The following SPRY3 variants were observed in gnomAD, a reference collection of about 807,000 sequenced individuals.
The protein encoded by SPRY3 is protein sprouty homolog 3.
Under a neutral mutation model 20.2 loss-of-function variants are expected in SPRY3, and 15 were observed. That is an observed-to-expected ratio of 0.74 (90% CI 0.50 to 1.14). The LOEUF (loss-of-function observed/expected upper bound fraction) is 1.14. Among genes scored for constraint, SPRY3 ranks in the 50% most tolerant of loss-of-function variants. The pLI is 0.00. For synonymous variants in SPRY3, 143 were observed against 136.5 expected, an observed-to-expected ratio of 1.05 and a Z score of -0.33; for missense variants, 364 against 363.9, an observed-to-expected ratio of 1.00 and a Z score of 0.00.
intron 1 of SPRY3, among the ~76,000 whole-genome samples, chrX:155,624,307 T>C (rs1182413689): frequency 8.9e-6 from 1 of 111,900 alleles, no homozygotes; most frequent in African/African-American, 3.2e-5. Context: ...CTAACTACCA[T>C]ACACCAGGTA....
chrX:155,768,568 G>C (rs980263316), intron 3 of SPRY3, among the ~76,000 whole-genome samples: 1 of 152,172 alleles, frequency 6.6e-6, no homozygotes, highest in African/African-American at 2.4e-5. Flanking sequence ...TCTGCTATTG[G>C]CTCACAAGTC....
In SPRY3 at chrX:155,706,877, T is replaced by C. The variant is rs989204815; in HGVS notation, c.-282+49852T>C. Among the ~76,000 whole-genome samples the C allele has an allele frequency of 3.2e-4, 48 of 151,164 alleles. 1 individual carries two copies. Among genetic ancestry groups the C allele is most frequent in the African/African-American group, 1.1e-3 (46 of 41,462 alleles). On this transcript the variant is annotated intron_variant, in intron 2 of 3. Transcript: ENST00000675360. Reference sequence around the variant, plus strand: ...CATAAAAGAACACCGTAGGCCCATATTATTTCATTGGTACATTCTCCCAAA... The same window carrying C: ...CATAAAAGAACACCGTAGGCCCATACTATTTCATTGGTACATTCTCCCAAA...
intron 2 of SPRY3, among the ~76,000 whole-genome samples, chrX:155,716,995 T>A (rs766303285): frequency 0.27 from 34,912 of 130,146 alleles, 7,104 homozygotes; most frequent in African/African-American, 0.43. Flanking sequence ...TATATATATA[T>A]ATATATATAT....
chrX:155,725,707 T>A (rs1029596900), intron 2 of SPRY3, among the ~76,000 whole-genome samples: 111 of 152,278 alleles, frequency 7.3e-4, no homozygotes, highest in African/African-American at 2.6e-3. Context: ...GATTCTTCTC[T>A]CTTTTCTTCT....
In SPRY3 at chrX:155,781,977, A is replaced by G. The variant is rs1210899802; in HGVS notation, c.*7239A>G. 7 of 167,032 alleles carry G rather than the reference A, an allele frequency of 4.2e-5. No individual in the cohort carries two copies. The Admixed American group carries it at 4.6e-4, about 11-fold the overall frequency. 10.3% of individuals were successfully genotyped at this position (167,032 alleles called of 1,614,324 possible). ...TGCTGGAATAGGGATCAAGAGGAAT[A>G]TAAAAGCAGTGGGATATCTGGATTT... On this transcript the variant is annotated 3_prime_UTR_variant, in exon 2 of 2. Coordinates refer to the SPRY3 transcript ENST00000302805.
chrX:155,626,545 A>T (rs1242213273), intron 1 of SPRY3, among the ~76,000 whole-genome samples: 1 of 110,877 alleles, frequency 9.0e-6, no homozygotes, highest in Non-Finnish European at 1.9e-5. Flanking sequence ...CTAGTTTTTA[A>T]TTTTGATGTT....
intron 2 of SPRY3, among the ~76,000 whole-genome samples, chrX:155,703,873 C>T (rs889571137): frequency 1.3e-5 from 2 of 151,754 alleles, no homozygotes; most frequent in Non-Finnish European, 2.9e-5. Flanking sequence ...TTGTTCTGGT[C>T]GACCATTCTC....
intron 2 of SPRY3, among the ~76,000 whole-genome samples, chrX:155,709,154 A>G (rs1213260023): frequency 1.3e-5 from 2 of 151,692 alleles, no homozygotes; most frequent in Admixed American, 6.6e-5. Flanking sequence ...TCTCTTTGAT[A>G]TACTGATTTC....
chrX:155,774,417 C>T (rs373864946), exon 4 of SPRY3: 48 of 1,613,894 alleles, frequency 3.0e-5, no homozygotes, highest in Middle Eastern at 3.3e-4. Flanking sequence ...AGAGCCTCCT[C>T]GATTATGGCA....
rs1443115033 is a variant in SPRY3, at chrX:155,664,712, T to A, written c.-282+7687T>A. ...TACACAATTTATAAAAATTTAATAATTTAATTTCTGGCAGGTTTAAACCCT... is the reference window on the plus strand; with the variant it reads ...TACACAATTTATAAAAATTTAATAAATTAATTTCTGGCAGGTTTAAACCCT... On this transcript the variant is annotated intron_variant, in intron 2 of 3. Transcript: ENST00000675360. 3.6e-5 allele frequency among the ~76,000 whole-genome samples: 4 copies of A among 110,263 alleles called. No homozygotes were observed. In the East Asian group the frequency reaches 1.1e-3, roughly 31 times the overall value.
chrX:155,774,198 C>G, exon 4 of SPRY3: 1 of 1,614,014 alleles, frequency 6.2e-7, no homozygotes, highest in Non-Finnish European at 8.5e-7. Context: ...CACCTTCAGG[C>G]CAATCCATCA....
chrX:155,664,250 A>C (rs1178993369), intron 2 of SPRY3, among the ~76,000 whole-genome samples: 1 of 111,034 alleles, frequency 9.0e-6, no homozygotes, highest in Non-Finnish European at 1.9e-5. Flanking sequence ...TGAGGGAAAG[A>C]TTTGTGAACA....
chrX:155,777,878 TATG>T (rs1234858521), downstream of SPRY3: 1 of 166,640 alleles, frequency 6.0e-6, no homozygotes, highest in Non-Finnish European at 1.5e-5. Flanking sequence ...ATACATTTCA[TATG>T]ATATCAGCCA....
exon 4 of SPRY3, chrX:155,774,228 A>C: frequency 6.2e-7 from 1 of 1,614,020 alleles, no homozygotes; most frequent in Non-Finnish European, 8.5e-7. Context: ...AACCTGGAGC[A>C]GGGGTCCACC....
intron 3 of SPRY3, among the ~76,000 whole-genome samples, chrX:155,769,903 G>C (rs1216917364): frequency 6.6e-6 from 1 of 152,142 alleles, no homozygotes; most frequent in African/African-American, 2.4e-5. Context: ...ATTTGTAAGG[G>C]GGGAGTGCTT....
chrX:155,721,847 C>T (rs1051893036), intron 2 of SPRY3, among the ~76,000 whole-genome samples: 4 of 152,010 alleles, frequency 2.6e-5, no homozygotes, highest in African/African-American at 9.7e-5. Context: ...TGTTAACGAG[C>T]AATAAGTAAT....
intron 1 of SPRY3, among the ~76,000 whole-genome samples, chrX:155,653,625 C>G (rs782620182): frequency 1.2e-4 from 13 of 111,862 alleles, no homozygotes; most frequent in Non-Finnish European, 1.7e-4. Flanking sequence ...TATCCTTATG[C>G]TAGTGCCACA....
chrX:155,656,458 T>G, intron 1 of SPRY3, among the ~76,000 whole-genome samples: 1 of 111,118 alleles, frequency 9.0e-6, no homozygotes, highest in Non-Finnish European at 1.9e-5. Flanking sequence ...AGGTCATTTA[T>G]ATTCTTTAAA....
At chrX:155,704,261 A>C (rs962425294) in intron 2 of SPRY3, among the ~76,000 whole-genome samples, 1 of 151,854 alleles carries the variant, frequency 6.6e-6, no homozygotes, top group African/African-American at 2.4e-5. Context: ...GTTCCACCAG[A>C]AAAAGTGGAC....
Sources: gnomAD v4.1 joint callset for allele counts (sites outside exome capture counted in the v4.1 genomes callset) on GRCh38, gnomAD v4.1.1 for gene constraint, MANE v1.5 for transcripts, NCBI Gene and HGNC (gene_info 2026-07-23, HGNC 2026-07-21) for gene names.